ANKRD30A: variants seen among roughly 807,000 people sequenced by gnomAD.
The protein encoded by ANKRD30A is ankyrin repeat domain-containing protein 30A.
Under a neutral mutation model 166.3 loss-of-function variants are expected in ANKRD30A, and 170 were observed. That is an observed-to-expected ratio of 1.02 (90% CI 0.90 to 1.16). The LOEUF (loss-of-function observed/expected upper bound fraction) is 1.16. ANKRD30A is among the 50% of genes most tolerant of loss of function. The pLI is 0.00. For synonymous variants in ANKRD30A, 564 were observed against 508.9 expected, an observed-to-expected ratio of 1.11 and a Z score of -1.46; for missense variants, 1,630 against 1,518.0, an observed-to-expected ratio of 1.07 and a Z score of -1.23.
intron 19 of ANKRD30A, among the ~76,000 whole-genome samples, chr10:37,167,942 C>A (rs1282680479): frequency 9.4e-6 from 1 of 106,318 alleles, no homozygotes; most frequent in African/African-American, 3.9e-5. Flanking sequence ...AATGTGTTGC[C>A]TTAAAGACAC....
At chr10:37,159,796 G>A (rs1489266236) in intron 15 of ANKRD30A, among the ~76,000 whole-genome samples, 5 of 152,108 alleles carry the variant, frequency 3.3e-5, no homozygotes, top group African/African-American at 1.2e-4. Flanking sequence ...CCGGGTTCAC[G>A]CCATTCTCCT....
rs1288151210 is a variant in ANKRD30A at position 37,197,289 on chromosome 10, G to A, written c.2623G>A (p.Glu875Lys). ...TCTCTTTTGCTTTTTAGAGCCTCCC[G>A]AGAAGCCATCTGCCTTCGAGGTATT... ...DMQTFKAEPP[E>K]KPSAFEPAIE... The change falls in exon 28 of 36, where the codon GAG becomes AAG. Residue 875 changes from glutamate to lysine, a missense_variant. By Grantham distance (56) the Glu-to-Lys change is moderately conservative. Around this residue, in one of 4 missense-constraint regions of ANKRD30A, gnomAD observed 712 missense variants for 629.3 expected, o/e 1.13. Coordinates refer to ENST00000361713, the MANE Select transcript of ANKRD30A (RefSeq NM_052997.3). 20 of 1,612,836 alleles carry A rather than the reference G, an allele frequency of 1.2e-5. No homozygotes were observed. The highest frequency in any genetic ancestry group is 1.4e-5 in the Non-Finnish European group (17 of 1,179,692).
At chr10:37,223,531 T>C (rs1842989835) in intron 34 of ANKRD30A, among the ~76,000 whole-genome samples, 1 of 151,432 alleles carries the variant, frequency 6.6e-6, no homozygotes, top group South Asian at 2.1e-4. Flanking sequence ...TAAATATAAC[T>C]AATTATTTTT....
chr10:37,263,498 C>T, the ANKRD30A span, among the ~76,000 whole-genome samples: 2 of 151,268 alleles, frequency 1.3e-5, no homozygotes, highest in African/African-American at 4.9e-5. Flanking sequence ...AACTAGATAG[C>T]CCCATCTAGG....
intron 15 of ANKRD30A, among the ~76,000 whole-genome samples, chr10:37,159,721 G>A (rs977902191): frequency 6.6e-6 from 1 of 151,314 alleles, no homozygotes; most frequent in Non-Finnish European, 1.5e-5. Context: ...TTTTGTTTTT[G>A]TTTTTTTGAG....
downstream of ANKRD30A, among the ~76,000 whole-genome samples, chr10:37,236,512 G>C (rs1056656709): frequency 2.8e-4 from 43 of 152,286 alleles, no homozygotes; most frequent in African/African-American, 1.0e-3. Context: ...AGCCAAACAA[G>C]CACACTCAAT....
At chr10:37,126,447 A>G (rs1354891241) in intron 1 of ANKRD30A, among the ~76,000 whole-genome samples, 1 of 152,240 alleles carries the variant, frequency 6.6e-6, no homozygotes, top group African/African-American at 2.4e-5. Flanking sequence ...TTGGCTAAAA[A>G]TTATCTGGAT....
the ANKRD30A span, among the ~76,000 whole-genome samples, chr10:37,243,625 C>A: frequency 6.6e-6 from 1 of 152,014 alleles, no homozygotes; most frequent in South Asian, 2.1e-4. Flanking sequence ...TGGAACTGAG[C>A]TTAAGTGAAA....
At chr10:37,194,199 A>C (rs1840857038) in intron 27 of ANKRD30A, among the ~76,000 whole-genome samples, 1 of 152,124 alleles carries the variant, frequency 6.6e-6, no homozygotes, top group African/African-American at 2.4e-5. Flanking sequence ...GAAAAAGCAA[A>C]GAAATAAAAA....
At chr10:37,156,613 G>A (rs533256132) in intron 13 of ANKRD30A, among the ~76,000 whole-genome samples, 1 of 152,138 alleles carries the variant, frequency 6.6e-6, no homozygotes, top group African/African-American at 2.4e-5. Context: ...TCTTTATAAA[G>A]GAAAATATTT....
intron 15 of ANKRD30A, among the ~76,000 whole-genome samples, chr10:37,161,052 G>A (rs1838816586): frequency 1.3e-5 from 2 of 152,174 alleles, no homozygotes; most frequent in Non-Finnish European, 2.9e-5. Context: ...AGGAGATCGA[G>A]ACCATCCTGA....
chr10:37,218,896 G>A (rs1842734279), intron 33 of ANKRD30A, 84 bp from the exon 34 acceptor site: 7 of 907,030 alleles, frequency 7.7e-6, no homozygotes, highest in East Asian at 5.3e-5. Context: ...TTGTATAAAT[G>A]TACAAGTTAT....
intron 27 of ANKRD30A, among the ~76,000 whole-genome samples, chr10:37,194,020 C>A (rs1364606177): frequency 6.6e-6 from 1 of 152,042 alleles, no homozygotes; most frequent in Non-Finnish European, 1.5e-5. Flanking sequence ...ATTAGTGAAA[C>A]CCCATCTCTA....
In ANKRD30A at chr10:37,162,630, A is replaced by G; in HGVS notation, c.1901-19A>G. 1.9e-6 allele frequency: 3 copies of G among 1,611,894 alleles called. No individual in the cohort carries two copies. In the African/African-American group the frequency reaches 4.0e-5, roughly 22 times the overall value. The stretch of plus-strand genomic sequence containing the variant: ...TCATATTTACATATGATTGATGATA[A>G]ATCTCTTTTGCTTTTTAGAGCCTCC... On this transcript the variant is annotated intron_variant, in intron 15 of 35. Transcript: ENST00000361713.
intron 31 of ANKRD30A, among the ~76,000 whole-genome samples, chr10:37,211,469 T>A (rs968886154): frequency 5.9e-5 from 9 of 152,104 alleles, no homozygotes; most frequent in African/African-American, 2.2e-4. Context: ...GAACTCATCA[T>A]TTTTTATGGC....
At position 37,142,299 on chromosome 10, in the gene ANKRD30A, C is replaced by T; in HGVS notation, c.1393+9C>T. On this transcript the variant is annotated intron_variant, in intron 7 of 35. Coordinates refer to ENST00000361713, the MANE Select transcript of ANKRD30A (RefSeq NM_052997.3). ...AAAAGCAAGTGCCAATGGTAAGATG[C>T]TAGAGCGAACTTTGTAAGGTTTATT... The T allele has an allele frequency of 6.4e-7, 1 of 1,571,948 alleles. No homozygotes were observed. Among genetic ancestry groups the T allele is most frequent in the Non-Finnish European group, 8.6e-7 (1 of 1,165,618 alleles).
At chr10:37,242,237 GT>G in the ANKRD30A span, among the ~76,000 whole-genome samples, 1 of 152,228 alleles carries the variant, frequency 6.6e-6, no homozygotes, top group South Asian at 2.1e-4. Flanking sequence ...TTTTTGTAAT[GT>G]TTCCTTGTAA....
rs1836697380 is a variant in ANKRD30A at position 37,136,601 on chromosome 10, A to G, written c.756-6A>G. Reference sequence around the variant, plus strand: ...GTAATTTTATTTATCACATTTTTATACATAGCATTCATGAACAAATTATGG... The same window carrying G: ...GTAATTTTATTTATCACATTTTTATGCATAGCATTCATGAACAAATTATGG... On this transcript the variant is annotated splice_polypyrimidine_tract_variant and splice_region_variant and intron_variant, in intron 5 of 35. Transcript: ENST00000361713. 1 of 1,255,548 alleles carries G rather than the reference A, an allele frequency of 8.0e-7. No homozygotes were observed. 77.8% of individuals were successfully genotyped at this position (1,255,548 alleles called of 1,614,324 possible).
the ANKRD30A span, among the ~76,000 whole-genome samples, chr10:37,246,633 G>C: frequency 1.3e-5 from 2 of 152,202 alleles, no homozygotes; most frequent in Non-Finnish European, 2.9e-5. Context: ...TAGCCAGGGG[G>C]TTCTTTCTGT....
Sources: gnomAD v4.1 joint callset for allele counts (sites outside exome capture counted in the v4.1 genomes callset) on GRCh38, gnomAD v4.1.1 for gene constraint, gnomAD v4.1.1 regional missense constraint, MANE v1.5 for transcripts, NCBI Gene and HGNC (gene_info 2026-07-23, HGNC 2026-07-21) for gene names.